The following THSD7B variants were observed in gnomAD, a reference collection of about 807,000 sequenced individuals.
The protein encoded by THSD7B is thrombospondin type 1 domain containing 7B.
Under a neutral mutation model 213.6 loss-of-function variants are expected in THSD7B, and 138 were observed. The ratio of observed to expected loss-of-function variants is 0.65; its 90% CI spans 0.56 to 0.74. The LOEUF (loss-of-function observed/expected upper bound fraction) is 0.74. Ranked by LOEUF, THSD7B falls within the 30% of genes least tolerant of loss-of-function variation. The pLI is 0.00. For synonymous variants in THSD7B, 742 were observed against 687.0 expected, an observed-to-expected ratio of 1.08 and a Z score of -1.25; for missense variants, 1,931 against 1,991.5, an observed-to-expected ratio of 0.97 and a Z score of 0.58.
chr2:137,436,532 G>A (rs1687294747), intron 14 of THSD7B, among the ~76,000 whole-genome samples: 1 of 152,112 alleles, frequency 6.6e-6, no homozygotes, highest in African/African-American at 2.4e-5. Context: ...TTGGGGAGCA[G>A]TGCATGGTAT....
chr2:137,491,231 A>G (rs1003671105), intron 15 of THSD7B, among the ~76,000 whole-genome samples: 1 of 152,220 alleles, frequency 6.6e-6, no homozygotes. Context: ...CTGTGTGTAT[A>G]CAAAAGAAAT....
chr2:137,613,102 A>T (rs1183940283), intron 17 of THSD7B, among the ~76,000 whole-genome samples: 2 of 152,108 alleles, frequency 1.3e-5, no homozygotes, highest in Non-Finnish European at 1.5e-5. Context: ...ATGATCACTT[A>T]GTTCTGTCTT....
rs142136751 is a variant in THSD7B at position 136,830,124 on chromosome 2, G to GCACA, written c.-35-52003_-35-52000dup. On this transcript the variant is annotated intron_variant, in intron 1 of 27. Coordinates refer to ENST00000409968, the MANE Select transcript of THSD7B (RefSeq NM_001316349.2). The stretch of plus-strand genomic sequence containing the variant: ...TCATTTTCTTTGTATGCCTGTGCGC[G>GCACA]CACACACACACACACACACATACCT... Among the ~76,000 whole-genome samples, 641 of 148,538 alleles carry GCACA rather than the reference G, an allele frequency of 4.3e-3. 5 individuals carry two copies. Among genetic ancestry groups the GCACA allele is most frequent in the African/African-American group, 0.015 (614 of 40,628 alleles).
At chr2:137,407,959 T>C (rs969908214) in intron 13 of THSD7B, among the ~76,000 whole-genome samples, 3 of 150,842 alleles carry the variant, frequency 2.0e-5, no homozygotes, top group Non-Finnish European at 3.0e-5. Context: ...TTATTTATAA[T>C]AACTAGATAA....
intron 7 of THSD7B, among the ~76,000 whole-genome samples, chr2:137,212,573 T>C (rs1222529432): frequency 6.6e-6 from 1 of 152,070 alleles, no homozygotes; most frequent in Non-Finnish European, 1.5e-5. Context: ...TAATTGGCTT[T>C]CAAAATGGAA....
intron 2 of THSD7B, among the ~76,000 whole-genome samples, chr2:136,958,619 T>C (rs555357189): frequency 6.6e-6 from 1 of 152,268 alleles, no homozygotes; most frequent in South Asian, 2.1e-4. Context: ...TTTGAGGGAA[T>C]TGGGGAAGTT....
intron 7 of THSD7B, among the ~76,000 whole-genome samples, chr2:137,209,071 C>T (rs1460791066): frequency 3.9e-5 from 6 of 152,058 alleles, no homozygotes; most frequent in Non-Finnish European, 7.4e-5. Flanking sequence ...TAAGGTTAAA[C>T]TATAAACTAA....
chr2:137,517,290 A>G (rs2105161038), intron 15 of THSD7B, among the ~76,000 whole-genome samples: 1 of 152,364 alleles, frequency 6.6e-6, no homozygotes, highest in Non-Finnish European at 1.5e-5. Flanking sequence ...ACACTGGTCC[A>G]TTACATTAAT....
At chr2:137,057,964 G>A (rs552663735) in intron 3 of THSD7B, among the ~76,000 whole-genome samples, 9 of 152,272 alleles carry the variant, frequency 5.9e-5, no homozygotes, top group African/African-American at 2.2e-4. Flanking sequence ...TTTTACCTCA[G>A]AGGGTCTTAA....
At chr2:137,490,760 A>G (rs1184883330) in intron 15 of THSD7B, among the ~76,000 whole-genome samples, 3 of 152,248 alleles carry the variant, frequency 2.0e-5, no homozygotes, top group Admixed American at 6.5e-5. Context: ...TTATCCTACT[A>G]GGGTCTGAGG....
At chr2:137,186,872 T>C (rs1680562553) in intron 7 of THSD7B, among the ~76,000 whole-genome samples, 1 of 152,312 alleles carries the variant, frequency 6.6e-6, no homozygotes, top group Middle Eastern at 3.4e-3. Flanking sequence ...TTCTGTCATA[T>C]CTGATTTTTT....
chr2:137,096,154 G>A (rs1688035281), intron 4 of THSD7B, among the ~76,000 whole-genome samples: 1 of 152,152 alleles, frequency 6.6e-6, no homozygotes, highest in South Asian at 2.1e-4. Flanking sequence ...GATATTTCCT[G>A]CTGAACAGCT....
At chr2:137,420,668 A>C (rs1206651349) in intron 14 of THSD7B, among the ~76,000 whole-genome samples, 3 of 152,226 alleles carry the variant, frequency 2.0e-5, no homozygotes, top group Non-Finnish European at 4.4e-5. Flanking sequence ...ACACATACTC[A>C]ATAATGGCTC....
At chr2:136,911,490 T>C (rs1315033558) in intron 2 of THSD7B, among the ~76,000 whole-genome samples, 1 of 152,194 alleles carries the variant, frequency 6.6e-6, no homozygotes, top group East Asian at 1.9e-4. Flanking sequence ...TTCAAGGCAA[T>C]GATTCACTAA....
At chr2:137,129,384 T>C (rs1339472342) in intron 5 of THSD7B, among the ~76,000 whole-genome samples, 1 of 152,168 alleles carries the variant, frequency 6.6e-6, no homozygotes, top group African/African-American at 2.4e-5. Flanking sequence ...ATATAAGACT[T>C]CTTAAAGGAG....
intron 10 of THSD7B, among the ~76,000 whole-genome samples, chr2:137,248,619 A>G (rs1358447292): frequency 6.6e-6 from 1 of 152,110 alleles, no homozygotes; most frequent in Non-Finnish European, 1.5e-5. Context: ...ACATACAAGC[A>G]CTAACTTGCC....
chr2:137,243,482 C>T (rs1028757354), intron 10 of THSD7B, among the ~76,000 whole-genome samples: 3 of 152,194 alleles, frequency 2.0e-5, no homozygotes, highest in South Asian at 2.1e-4. Context: ...GCCATGTCCT[C>T]TCAAGCAGAG....
intron 15 of THSD7B, among the ~76,000 whole-genome samples, chr2:137,478,283 A>G (rs1054370762): frequency 6.6e-6 from 1 of 152,074 alleles, no homozygotes; most frequent in Non-Finnish European, 1.5e-5. Flanking sequence ...CTTTATTTTC[A>G]TCTAACTGGG....
In THSD7B at chr2:137,557,824, TAATA is replaced by T. The variant is rs1045431987; in HGVS notation, c.3139-5394_3139-5391del. Among the ~76,000 whole-genome samples, 6 of 152,204 alleles carry T rather than the reference TAATA, an allele frequency of 3.9e-5. No individual in the cohort carries two copies. In the East Asian group the frequency reaches 5.8e-4, roughly 15 times the overall value. On this transcript the variant is annotated intron_variant, in intron 15 of 27. Transcript: ENST00000409968. ...AAAATTGATAGACCACTAGCAAGAC[TAATA>T]AAGAAGAAAACAGAGAAGAATCAAA...
Sources: gnomAD v4.1 joint callset for allele counts (sites outside exome capture counted in the v4.1 genomes callset) on GRCh38, gnomAD v4.1.1 for gene constraint, MANE v1.5 for transcripts, NCBI Gene and HGNC (gene_info 2026-07-23, HGNC 2026-07-21) for gene names.